RGS6: variants seen among roughly 807,000 people sequenced by gnomAD.
RGS6 encodes regulator of G protein signaling 6.
A neutral mutation model predicts 78.5 loss-of-function variants in RGS6; 30 were observed. The observed-to-expected ratio is 0.38, with a 90% CI of 0.29 to 0.52. RGS6 has a LOEUF of 0.52. Among genes scored for constraint, RGS6 ranks in the 20% least tolerant of loss-of-function variants. The pLI, the probability that RGS6 is intolerant of heterozygous loss-of-function variation, is 0.85. For missense variants in RGS6, 495 were observed against 609.7 expected (o/e 0.81, Z 1.98); for synonymous variants, 206 against 206.0 (o/e 1.00, Z 0.00).
At chr14:72,263,152 A>G (rs1339230881) in intron 2 of RGS6, among the ~76,000 whole-genome samples, 1 of 152,222 alleles carries the variant, frequency 6.6e-6, no homozygotes, top group African/African-American at 2.4e-5. Context: ...ACTGTAAGGC[A>G]TGTCCACAGT....
At chr14:72,010,014 C>T (rs1274803507) in intron 2 of RGS6, among the ~76,000 whole-genome samples, 2 of 152,216 alleles carry the variant, frequency 1.3e-5, no homozygotes, top group Admixed American at 6.5e-5. Context: ...CCTGCCTTAA[C>T]GTTGTCAGGT....
rs139571488 is a variant in RGS6, at chr14:72,016,367, G to T, written c.84+51492G>T. Among the ~76,000 whole-genome samples the T allele has an allele frequency of 3.8e-3, 573 of 151,904 alleles. 5 individuals are homozygous for T. The highest frequency in any genetic ancestry group is 0.012 in the African/African-American group (499 of 41,298). ...CTTCTGTTCTTTATTTTATTTTTAT[G>T]TTTATTTTTATTTTTTGAAACGGAG... On this transcript the variant is annotated intron_variant, in intron 2 of 17. Coordinates refer to ENST00000553525, the MANE Select transcript of RGS6 (RefSeq NM_001204424.2).
intron 13 of RGS6, among the ~76,000 whole-genome samples, chr14:72,499,418 C>T (rs1408308378): frequency 6.6e-6 from 1 of 152,190 alleles, no homozygotes; most frequent in Admixed American, 6.5e-5. Flanking sequence ...TGTCTGATGC[C>T]ACCCACTGCC....
intron 3 of RGS6, among the ~76,000 whole-genome samples, chr14:72,398,798 T>C (rs1170998715): frequency 6.6e-6 from 1 of 152,208 alleles, no homozygotes; most frequent in Non-Finnish European, 1.5e-5. Flanking sequence ...TCTCCCTTCA[T>C]TTCGTTATGT....
intron 3 of RGS6, among the ~76,000 whole-genome samples, chr14:72,432,500 G>C (rs576591428): frequency 6.6e-6 from 1 of 152,222 alleles, no homozygotes; most frequent in Non-Finnish European, 1.5e-5. Flanking sequence ...CAAGAGGAAG[G>C]ATCATGGAAG....
intron 2 of RGS6, among the ~76,000 whole-genome samples, chr14:72,304,569 A>G (rs756413691): frequency 2.0e-5 from 3 of 152,178 alleles, no homozygotes; most frequent in Non-Finnish European, 4.4e-5. Flanking sequence ...GTCAAATGCT[A>G]TGCACATTAA....
At chr14:72,525,598 C>A (rs2097107136) in intron 15 of RGS6, among the ~76,000 whole-genome samples, 1 of 152,232 alleles carries the variant, frequency 6.6e-6, no homozygotes, top group Non-Finnish European at 1.5e-5. Context: ...TGCAAGGTTT[C>A]TACCATTTGC....
chr14:72,010,452 A>G (rs1286518458), intron 2 of RGS6, among the ~76,000 whole-genome samples: 2 of 152,338 alleles, frequency 1.3e-5, no homozygotes, highest in East Asian at 3.9e-4. Flanking sequence ...GACTTCTTTG[A>G]GTCATTTACA....
rs535760974 is a variant in RGS6 at position 71,942,268 on chromosome 14, A to G, written c.-21+9327A>G. On this transcript the variant is annotated intron_variant, in intron 1 of 17. Transcript: ENST00000553525. ...ACTAGGAATACCTGTTTGAGATGTT[A>G]CAAACCACAAAGCCTACCAAATACT... 3.9e-5 allele frequency among the ~76,000 whole-genome samples: 6 copies of G among 152,352 alleles called. No homozygotes were observed. In the South Asian group the frequency reaches 6.2e-4, roughly 16 times the overall value.
chr14:72,490,311 C>G (rs746507629), intron 12 of RGS6, among the ~76,000 whole-genome samples: 1 of 152,244 alleles, frequency 6.6e-6, no homozygotes, highest in Admixed American at 6.5e-5. Flanking sequence ...TTGCCTCCCA[C>G]CATGATTGTG....
At chr14:72,327,636 C>T (rs1413423610) in intron 2 of RGS6, among the ~76,000 whole-genome samples, 1 of 152,174 alleles carries the variant, frequency 6.6e-6, no homozygotes, top group East Asian at 1.9e-4. Context: ...TAGATATTCA[C>T]CAGTCCTTGG....
At chr14:72,324,529 C>T (rs192603193) in intron 2 of RGS6, among the ~76,000 whole-genome samples, 143 of 152,232 alleles carry the variant, frequency 9.4e-4, no homozygotes, top group African/African-American at 3.2e-3. Context: ...ACAACAGGCC[C>T]AGTGTGTGAT....
chr14:72,496,494 G>A (rs932695680), intron 13 of RGS6, among the ~76,000 whole-genome samples: 9 of 152,156 alleles, frequency 5.9e-5, no homozygotes, highest in Non-Finnish European at 1.2e-4. Context: ...AAATAGGGAC[G>A]GTAAGTTCCA....
At chr14:71,962,605 C>G (rs2093279800) in intron 1 of RGS6, among the ~76,000 whole-genome samples, 1 of 152,280 alleles carries the variant, frequency 6.6e-6, no homozygotes, top group East Asian at 1.9e-4. Context: ...GAATGGTAAT[C>G]AGTGTTTCCA....
At chr14:72,143,170 C>G (rs533724676) in intron 2 of RGS6, among the ~76,000 whole-genome samples, 5 of 152,176 alleles carry the variant, frequency 3.3e-5, no homozygotes, top group African/African-American at 1.2e-4. Context: ...GTGTTTGAGA[C>G]CAGCCTGACC....
At chr14:72,415,966 G>A (rs1416472758) in intron 3 of RGS6, among the ~76,000 whole-genome samples, 1 of 152,054 alleles carries the variant, frequency 6.6e-6, no homozygotes, top group African/African-American at 2.4e-5. Flanking sequence ...TGACCAACGT[G>A]GTGAAACCCC....
intron 15 of RGS6, among the ~76,000 whole-genome samples, chr14:72,520,319 G>C (rs951540581): frequency 2.0e-5 from 3 of 152,108 alleles, no homozygotes; most frequent in Non-Finnish European, 4.4e-5. Flanking sequence ...GTGCTATTTA[G>C]CATGTTCTTC....
chr14:72,559,791 G>C (rs1178752789), intron 17 of RGS6, among the ~76,000 whole-genome samples: 1 of 152,184 alleles, frequency 6.6e-6, no homozygotes, highest in Non-Finnish European at 1.5e-5. Context: ...GTGAGGCTGA[G>C]CTCCAGGATT....
At chr14:72,618,373 C>A in the RGS6 span, among the ~76,000 whole-genome samples, 1 of 152,182 alleles carries the variant, frequency 6.6e-6, no homozygotes, top group South Asian at 2.1e-4. Context: ...GATTGGGCAG[C>A]CTTCGCTCCC....
Sources: gnomAD v4.1 joint callset for allele counts (sites outside exome capture counted in the v4.1 genomes callset) on GRCh38, gnomAD v4.1.1 for gene constraint, MANE v1.5 for transcripts, NCBI Gene and HGNC (gene_info 2026-07-23, HGNC 2026-07-21) for gene names.